Variants in NELL1 observed in about 807,000 individuals in gnomAD.
The protein encoded by NELL1 is neural EGFL like 1, also known as protein kinase C-binding protein NELL1.
In NELL1, 76 loss-of-function variants were observed where a neutral mutation model predicts 107.4. That is an observed-to-expected ratio of 0.71 (90% CI 0.59 to 0.86). The LOEUF (loss-of-function observed/expected upper bound fraction) is 0.86, where lower values mean the gene tolerates loss of function less well. Ranked by LOEUF, NELL1 falls within the 40% of genes least tolerant of loss-of-function variation. NELL1 has a pLI of 0.00. For missense variants in NELL1, 1,024 were observed against 1,005.5 expected, an observed-to-expected ratio of 1.02 and a Z score of -0.25; for synonymous variants, 353 against 341.2, an observed-to-expected ratio of 1.03 and a Z score of -0.38.
At chr11:20,883,291 A>G (rs1051876245) in intron 4 of NELL1, among the ~76,000 whole-genome samples, 5 of 152,226 alleles carry the variant, frequency 3.3e-5, no homozygotes, top group Admixed American at 6.5e-5. Flanking sequence ...TGCTTCTTCA[A>G]CTATTTCTAA....
intron 2 of NELL1, among the ~76,000 whole-genome samples, chr11:20,766,867 C>T (rs1191640600): frequency 1.3e-5 from 2 of 152,088 alleles, no homozygotes; most frequent in Non-Finnish European, 2.9e-5. Context: ...CTCAGCCTCC[C>T]AAGTAGCTGG....
rs538216193 is a variant in NELL1, at chr11:20,952,288, C to CGTTT, written c.1171+4854_1171+4857dup. Among the ~76,000 whole-genome samples, 300 of 152,190 alleles carry CGTTT rather than the reference C, an allele frequency of 2.0e-3. 1 individual carries two copies. The highest frequency in any genetic ancestry group is 3.8e-3 in the Non-Finnish European group (257 of 67,998). The stretch of plus-strand genomic sequence containing the variant: ...TTCTTTCCGACATCTGTTCCAAATG[C>CGTTT]GTTTATCTGTAATTTTAATTCAGGC... On this transcript the variant is annotated intron_variant, in intron 11 of 19. Transcript: ENST00000357134.
chr11:20,936,782 C>T (rs547916683), intron 9 of NELL1, among the ~76,000 whole-genome samples: 1 of 152,124 alleles, frequency 6.6e-6, no homozygotes, highest in Non-Finnish European at 1.5e-5. Flanking sequence ...CTGAGCATCC[C>T]GTGAGAATCA....
chr11:20,674,508 C>T (rs147649739), intron 1 of NELL1: 1,140 of 1,536,034 alleles, frequency 7.4e-4, no homozygotes, highest in Non-Finnish European at 9.1e-4. Context: ...TGAAGCCACC[C>T]GTGTTATCGC....
Position 21,039,919 on chromosome 11 carries a change from C to T in NELL1, c.1301-73670C>T, listed in dbSNP as rs141743986. ...CTTTTGAAGGAGCTCAATTTTGTTG[C>T]AATGGATGCAATAAATCTTAATAAC... On this transcript the variant is annotated intron_variant, in intron 12 of 19. Coordinates refer to ENST00000357134, the MANE Select transcript of NELL1 (RefSeq NM_006157.5). Among the ~76,000 whole-genome samples, 301 of 152,092 alleles carry T rather than the reference C, an allele frequency of 2.0e-3. 1 individual carries two copies. The highest frequency in any genetic ancestry group is 6.7e-3 in the African/African-American group (279 of 41,490).
In NELL1 at chr11:21,366,834, G is replaced by C. The variant is rs139577813; in HGVS notation, c.1550-4019G>C. Among the ~76,000 whole-genome samples, 54 of 152,082 alleles carry C rather than the reference G, an allele frequency of 3.6e-4. No homozygotes were observed. The East Asian group carries it at 0.01, about 29-fold the overall frequency. On this transcript the variant is annotated intron_variant, in intron 14 of 19. Transcript: ENST00000357134. ...TTTACTTACTGTTTCAGGATTTCAG[G>C]GTGTCCCTAGGAACTAAATATATGT...
intron 16 of NELL1, among the ~76,000 whole-genome samples, chr11:21,539,639 C>CT (rs1397408130): frequency 2.6e-5 from 4 of 151,248 alleles, no homozygotes; most frequent in Non-Finnish European, 5.9e-5. Context: ...TTCAGATGCT[C>CT]CTTCTCTTCT....
chr11:21,306,860 T>C (rs1849615783), intron 14 of NELL1, among the ~76,000 whole-genome samples: 1 of 152,064 alleles, frequency 6.6e-6, no homozygotes, highest in Non-Finnish European at 1.5e-5. Context: ...TTTGCCATCA[T>C]GAGCATAGAA....
intron 13 of NELL1, among the ~76,000 whole-genome samples, chr11:21,151,134 A>G (rs574619791): frequency 6.6e-6 from 1 of 152,338 alleles, no homozygotes; most frequent in African/African-American, 2.4e-5. Context: ...GTAGGGACAC[A>G]GTGCCAAACC....
chr11:20,908,486 A>T (rs997797864), intron 5 of NELL1, among the ~76,000 whole-genome samples: 8 of 152,162 alleles, frequency 5.3e-5, no homozygotes, highest in South Asian at 2.1e-4. Context: ...GTTCTCACTC[A>T]TAAGTGGGAG....
chr11:20,932,588 G>C (rs1850641094), intron 9 of NELL1, among the ~76,000 whole-genome samples: 1 of 152,208 alleles, frequency 6.6e-6, no homozygotes, highest in Admixed American at 6.5e-5. Context: ...GACAGGCACT[G>C]TGTTTAACCA....
At chr11:20,817,649 T>C (rs1278603323) in intron 3 of NELL1, among the ~76,000 whole-genome samples, 1 of 152,132 alleles carries the variant, frequency 6.6e-6, no homozygotes, top group African/African-American at 2.4e-5. Context: ...AGTTCTCTCC[T>C]GATTTTAGTT....
At chr11:21,079,049 A>G (rs931938496) in intron 12 of NELL1, among the ~76,000 whole-genome samples, 1 of 151,998 alleles carries the variant, frequency 6.6e-6, no homozygotes, top group Admixed American at 6.6e-5. Context: ...CTAAAAAAAA[A>G]AAATCCAGAA....
At chr11:21,505,826 T>G (rs1298626560) in intron 15 of NELL1, among the ~76,000 whole-genome samples, 1 of 152,238 alleles carries the variant, frequency 6.6e-6, no homozygotes, top group Non-Finnish European at 1.5e-5. Context: ...TCCAGTAGAC[T>G]ACAGAGTCTC....
rs534590521 is a variant in NELL1, at chr11:21,418,119, A to G, written c.1645+47171A>G. 1.4e-3 allele frequency among the ~76,000 whole-genome samples: 215 copies of G among 152,180 alleles called. 1 individual carries two copies. Among genetic ancestry groups the G allele is most frequent in the Non-Finnish European group, 2.3e-3 (156 of 67,992 alleles). On this transcript the variant is annotated intron_variant, in intron 15 of 19. Coordinates refer to ENST00000357134, the MANE Select transcript of NELL1 (RefSeq NM_006157.5). Reference sequence around the variant, plus strand: ...TAGTCAGTTGAACTTTCACTTATTCAACAGGGGTTTACTGAACACTGGCTT... The same window carrying G: ...TAGTCAGTTGAACTTTCACTTATTCGACAGGGGTTTACTGAACACTGGCTT...
Position 20,671,772 on chromosome 11 carries a change from TG to T in NELL1, c.55+2002del, listed in dbSNP as rs148740004. 7.2e-3 allele frequency among the ~76,000 whole-genome samples: 1,017 copies of T among 141,084 alleles called. 6 individuals carry two copies. The highest frequency in any genetic ancestry group is 0.014 in the African/African-American group (537 of 39,398). The allele number at this position is 141,084 out of a possible 152,430, so 92.6% of individuals were successfully genotyped here. A position where few individuals can be genotyped will look rare whatever the true frequency, so the allele number is the denominator to read the frequency against. ...CAGGCATTTTAATTTTACAGATTGA[TG>T]GGGGGGGTGGTGGAGAGGTAGGAGT... On this transcript the variant is annotated intron_variant, in intron 1 of 19. Coordinates refer to ENST00000357134, the MANE Select transcript of NELL1 (RefSeq NM_006157.5).
chr11:21,196,698 T>C (rs1857160825), intron 13 of NELL1, among the ~76,000 whole-genome samples: 1 of 152,068 alleles, frequency 6.6e-6, no homozygotes, highest in African/African-American at 2.4e-5. Context: ...ACTTTACATA[T>C]TTATTTATTG....
Position 21,247,009 on chromosome 11 carries a change from G to T in NELL1, c.1549+17555G>T, listed in dbSNP as rs192945178. ...TAGCTACAATTCAAAATGAGATTTG[G>T]GTGGGGACACAGCCAAACCATATCA... On this transcript the variant is annotated intron_variant, in intron 14 of 19. Transcript: ENST00000357134. Among the ~76,000 whole-genome samples the T allele has an allele frequency of 2.3e-4, 35 of 152,206 alleles. No individual in the cohort carries two copies. The East Asian group carries it at 6.2e-3, about 27-fold the overall frequency.
intron 3 of NELL1, among the ~76,000 whole-genome samples, chr11:20,816,760 G>A (rs180921625): frequency 5.3e-5 from 8 of 152,230 alleles, no homozygotes; most frequent in African/African-American, 1.7e-4. Context: ...TGTTCAGAAT[G>A]TTGTTGGCTG....
Sources: allele counts gnomAD v4.1 joint callset (sites outside exome capture counted in the v4.1 genomes callset), GRCh38; gene constraint gnomAD v4.1.1; transcripts MANE v1.5; gene names NCBI Gene and HGNC (gene_info 2026-07-23, HGNC 2026-07-21).